Variants in TPP2 observed in about 807,000 individuals in gnomAD.
The protein encoded by TPP2 is tripeptidyl peptidase 2.
In TPP2, 34 loss-of-function variants were observed where a neutral mutation model predicts 155.9. That is an observed-to-expected ratio of 0.22 (90% CI 0.17 to 0.29). TPP2 has a LOEUF of 0.29. Among genes scored for constraint, TPP2 ranks in the 10% least tolerant of loss-of-function variants. TPP2 has a pLI of 1.00. For missense variants in TPP2, 1,028 were observed against 1,522.3 expected (o/e 0.68, Z 5.40); for synonymous variants, 510 against 529.4 (o/e 0.96, Z 0.50).
intron 24 of TPP2, among the ~76,000 whole-genome samples, chr13:102,654,490 A>T (rs932022487): frequency 6.6e-6 from 1 of 152,158 alleles, no homozygotes; most frequent in Non-Finnish European, 1.5e-5. Context: ...TAAATCCTAA[A>T]TTAATTTTAA....
chr13:102,600,067 TA>T (rs3837570), intron 1 of TPP2, among the ~76,000 whole-genome samples: 51,575 of 149,282 alleles, frequency 0.35, 10,427 homozygotes, highest in East Asian at 0.6. Flanking sequence ...GTGTAAAAAT[TA>T]AAAAAAAAAA....
At chr13:102,614,577 A>G (rs1880576044) in intron 3 of TPP2, among the ~76,000 whole-genome samples, 1 of 152,154 alleles carries the variant, frequency 6.6e-6, no homozygotes, top group African/African-American at 2.4e-5. Context: ...CTGTTCCTGT[A>G]GTTTCTGTGA....
Position 102,649,071 on chromosome 13 carries a change from A to G in TPP2, c.2793A>G (p.Leu931=), listed in dbSNP as rs1883328435. 1 of 1,613,466 alleles carries G rather than the reference A, an allele frequency of 6.2e-7. No individual in the cohort carries two copies. Among genetic ancestry groups the G allele is most frequent in the Non-Finnish European group, 8.5e-7 (1 of 1,179,884 alleles). ...ATGAAAATCATAGTTTTGCACTTCT[A>G]GGGAAGAAGAAATCAAGCAATTTGA... ...DIHENHSFAL[L]GKKKSSNLTL... is the part of the protein sequence containing the mutation. Residue 931 remains leucine, a synonymous_variant, in exon 22 of 30, where the codon CTA becomes CTG. Coordinates refer to ENST00000376052, the MANE Select transcript of TPP2 (RefSeq NM_001330588.2).
At chr13:102,674,220 A>G (rs890312551) in intron 27 of TPP2, 63 bp from the exon 28 acceptor site, 17 of 1,504,034 alleles carry the variant, frequency 1.1e-5, no homozygotes, top group East Asian at 2.4e-5. Context: ...TTAAATTCAG[A>G]TAAGAATTTA....
At chr13:102,659,140 G>A (rs1412358670) in intron 25 of TPP2, among the ~76,000 whole-genome samples, 1 of 152,178 alleles carries the variant, frequency 6.6e-6, no homozygotes, top group African/African-American at 2.4e-5. Context: ...ACAGAAGATG[G>A]AGAAGTCCGT....
chr13:102,635,757 A>C, intron 12 of TPP2, 55 bp downstream of exon 12: 1 of 1,301,562 alleles, frequency 7.7e-7, no homozygotes, highest in Admixed American at 1.7e-5. Context: ...ATAATATCTT[A>C]GATATTATTG....
intron 15 of TPP2, among the ~76,000 whole-genome samples, chr13:102,639,139 A>G (rs1399911241): frequency 6.6e-6 from 1 of 152,094 alleles, no homozygotes; most frequent in Non-Finnish European, 1.5e-5. Context: ...TTTAGCCAAT[A>G]TATTGTAATT....
At position 102,636,166 on chromosome 13, in the gene TPP2, A is replaced by C. The variant is rs577212892; in HGVS notation, c.1510-58A>C. ...GAAATCAAATTGATTGGTAATTTGC[A>C]ACAAAATATTTTTTGACCCAACCAT... On this transcript the variant is annotated intron_variant, in intron 12 of 29. Transcript: ENST00000376052. 2.2e-5 allele frequency: 33 copies of C among 1,486,994 alleles called. No homozygotes were observed. In the African/African-American group the frequency reaches 4.6e-4, roughly 21 times the overall value. The allele number at this position is 1,486,994 out of a possible 1,614,324, so 92.1% of individuals were successfully genotyped here.
At chr13:102,598,882 CTT>C (rs1259980250) in intron 1 of TPP2, among the ~76,000 whole-genome samples, 1 of 152,144 alleles carries the variant, frequency 6.6e-6, no homozygotes, top group African/African-American at 2.4e-5. Context: ...TTACATGTGA[CTT>C]TTTTAAATGC....
Position 102,678,755 on chromosome 13 carries a change from T to C in TPP2, c.*439T>C, listed in dbSNP as rs1352716619. 2 of 152,328 alleles carry C rather than the reference T, an allele frequency of 1.3e-5. No homozygotes were observed. Among genetic ancestry groups the C allele is most frequent in the African/African-American group, 4.8e-5 (2 of 41,302 alleles). 9.4% of individuals were successfully genotyped at this position (152,328 alleles called of 1,614,324 possible). A position where few individuals can be genotyped will look rare whatever the true frequency, so the allele number is the denominator to read the frequency against. On this transcript the variant is annotated 3_prime_UTR_variant, in exon 30 of 30. Coordinates refer to ENST00000376052, the MANE Select transcript of TPP2 (RefSeq NM_001330588.2). ...GCTACATTAAGCGTAGCTAAAATTA[T>C]TTATTGGACTAAAAACTAACAGAAC...
rs1463145948 is a variant in TPP2, at chr13:102,648,908, A to T, written c.2630A>T (p.Tyr877Phe). 6.3e-7 allele frequency: 1 copy of T among 1,578,524 alleles called. No individual in the cohort carries two copies. The highest frequency in any genetic ancestry group is 2.0e-5 in the Admixed American group (1 of 49,840). ...MGSGDAYPHQ[Y>F]SLKLEKGDYT... ...CCAAATGTTGTTTTTCTTTTTCAGT[A>T]TTCTTTGAAACTGGAGAAAGGAGAT... The change falls in exon 22 of 30, where the codon TAT (tyrosine) becomes TTT (phenylalanine). Residue 877 changes from tyrosine (Y) to phenylalanine (F), a missense_variant and splice_region_variant. By Grantham distance (22) the Tyr-to-Phe change is conservative (BLOSUM62 3). Transcript: ENST00000376052.
In TPP2 at chr13:102,642,702, G is replaced by A. The variant is rs74520840; in HGVS notation, c.2021-520G>A. 8.0e-4 allele frequency among the ~76,000 whole-genome samples: 122 copies of A among 152,202 alleles called. 3 individuals are homozygous for A. The highest frequency in any genetic ancestry group is 2.9e-3 in the African/African-American group (121 of 41,538). On this transcript the variant is annotated intron_variant, in intron 16 of 29. Transcript: ENST00000376052. ...TGATCTTGGCTTACCTCCAGCGCTG[G>A]CTCAGAGTAAAGTTAAGCATAAGTA...
intron 24 of TPP2, among the ~76,000 whole-genome samples, chr13:102,654,714 A>G (rs574828013): frequency 3.3e-5 from 5 of 152,188 alleles, no homozygotes; most frequent in Non-Finnish European, 7.4e-5. Context: ...GAGAAGCTCA[A>G]TTCCATGGAG....
chr13:102,643,110 C>A, intron 16 of TPP2, 112 bp from the exon 17 acceptor site: 2 of 901,598 alleles, frequency 2.2e-6, no homozygotes, highest in Non-Finnish European at 3.0e-6. Context: ...ATTTTTGATC[C>A]CTATTATGTC....
At chr13:102,657,372 AT>A (rs1170255544) in intron 25 of TPP2, among the ~76,000 whole-genome samples, 165 bp downstream of exon 25, 2 of 151,722 alleles carry the variant, frequency 1.3e-5, no homozygotes, top group African/African-American at 4.8e-5. Flanking sequence ...TGTGTAATTT[AT>A]TTAAATTATA....
At chr13:102,630,315 A>G (rs1044756965) in intron 10 of TPP2, 120 bp downstream of exon 10, 4 of 652,150 alleles carry the variant, frequency 6.1e-6, no homozygotes, top group African/African-American at 3.7e-5. Flanking sequence ...CTTTTTTTTC[A>G]GTATTTTCAT....
At chr13:102,603,172 A>ACT (rs1879561313) in intron 1 of TPP2, among the ~76,000 whole-genome samples, 2 of 152,222 alleles carry the variant, frequency 1.3e-5, no homozygotes, top group Admixed American at 6.5e-5. Flanking sequence ...AGTGCTAAGT[A>ACT]ACTTGTGTCT....
In TPP2 at chr13:102,646,385, C is replaced by T; in HGVS notation, c.2485C>T (p.His829Tyr). ...LYEMVLTYNFHQPKSGEVTPS... is the reference protein window; with the variant it reads ...LYEMVLTYNFYQPKSGEVTPS... ...TGAGATGGTCCTGACATATAACTTTCATCAAGTAAGTGTTTGCCTAGTAAA... is the reference window on the plus strand; with the variant it reads ...TGAGATGGTCCTGACATATAACTTTTATCAAGTAAGTGTTTGCCTAGTAAA... Residue 829 changes from histidine to tyrosine, a missense_variant, in exon 20 of 30, where the codon CAT (histidine) becomes TAT (tyrosine). Physicochemically the swap from His to Tyr is moderately conservative, Grantham distance 83. Coordinates refer to ENST00000376052, the MANE Select transcript of TPP2 (RefSeq NM_001330588.2). 1 of 1,610,952 alleles carries T rather than the reference C, an allele frequency of 6.2e-7. No homozygotes were observed. The highest frequency in any genetic ancestry group is 2.2e-5 in the East Asian group (1 of 44,680).
intron 1 of TPP2, among the ~76,000 whole-genome samples, chr13:102,603,948 T>C (rs2139410128): frequency 6.6e-6 from 1 of 152,236 alleles, no homozygotes; most frequent in South Asian, 2.1e-4. Context: ...GAAAATGCAA[T>C]GGATTTGAGC....
Sources: gnomAD v4.1 joint callset for allele counts (sites outside exome capture counted in the v4.1 genomes callset) on GRCh38, gnomAD v4.1.1 for gene constraint, MANE v1.5 for transcripts, NCBI Gene and HGNC (gene_info 2026-07-23, HGNC 2026-07-21) for gene names.